Variants in ALPL observed in about 807,000 individuals in gnomAD.
ALPL encodes the protein alkaline phosphatase, biomineralization associated.
ALPL carries 42 observed loss-of-function variants against 51.3 expected under a neutral mutation model. The ratio of observed to expected loss-of-function variants is 0.82; its 90% CI spans 0.64 to 1.06. The LOEUF is 1.06. Ranked by LOEUF, ALPL falls within the 50% of genes least tolerant of loss-of-function variation. The pLI is 0.00. For synonymous variants in ALPL, 279 were observed against 296.4 expected (o/e 0.94, Z 0.60); for missense variants, 589 against 709.4 (o/e 0.83, Z 1.93).
intron 3 of ALPL, 98 bp from the exon 4 acceptor site, chr1:21,560,999 C>A (rs1644476656): frequency 1.7e-6 from 2 of 1,198,788 alleles, no homozygotes; most frequent in South Asian, 1.3e-5. Flanking sequence ...ACTGCCCGAG[C>A]CTGCCTTGGT....
chr1:21,560,890 A>G, intron 3 of ALPL, 145 bp downstream of exon 3: 2 of 1,193,160 alleles, frequency 1.7e-6, no homozygotes, highest in Non-Finnish European at 2.4e-6. Flanking sequence ...CAGGCTGTGG[A>G]TTCAAGAGGC....
chr1:21,539,802 C>T (rs1443225210), intron 1 of ALPL, among the ~76,000 whole-genome samples: 3 of 151,962 alleles, frequency 2.0e-5, no homozygotes, highest in African/African-American at 4.8e-5. Flanking sequence ...CTACAGGTGC[C>T]CGCCACCCAG....
At chr1:21,547,551 C>A (rs1644268926) in intron 1 of ALPL, among the ~76,000 whole-genome samples, 1 of 152,218 alleles carries the variant, frequency 6.6e-6, no homozygotes, top group African/African-American at 2.4e-5. Context: ...CCTGACTCCC[C>A]CTGCATCCCG....
chr1:21,568,276 A>G, intron 7 of ALPL, 29 bp downstream of exon 7: 1 of 1,613,778 alleles, frequency 6.2e-7, no homozygotes, highest in African/African-American at 1.3e-5. Flanking sequence ...ATGTGGCTGC[A>G]GAGGTGGCCT....
Position 21,561,062 on chromosome 1 carries a change from G to A in ALPL, c.182-35G>A, listed in dbSNP as rs771682053. 3.2e-6 allele frequency: 5 copies of A among 1,556,126 alleles called. No homozygotes were observed. The South Asian group carries it at 4.6e-5, about 14-fold the overall frequency. On this transcript the variant is annotated intron_variant, in intron 3 of 11. Coordinates refer to ENST00000374840, the MANE Select transcript of ALPL (RefSeq NM_000478.6). ...AAGCAGGCTGATTGGAGAGGCAGGAGCACGAGAGACTGAGGCCCCCACTCC... is the reference window on the plus strand; with the variant it reads ...AAGCAGGCTGATTGGAGAGGCAGGAACACGAGAGACTGAGGCCCCCACTCC...
chr1:21,571,826 C>CA (rs916098786), intron 8 of ALPL, among the ~76,000 whole-genome samples: 1 of 151,592 alleles, frequency 6.6e-6, no homozygotes, highest in Non-Finnish European at 1.5e-5. Flanking sequence ...CTCAATTCTA[C>CA]AAAAATTTTT....
At position 21,531,063 on chromosome 1, in the gene ALPL, C is replaced by T. The variant is rs541080642; in HGVS notation, c.-105+21546C>T. 4.0e-5 allele frequency among the ~76,000 whole-genome samples: 6 copies of T among 150,042 alleles called. No individual in the cohort carries two copies. The East Asian group carries it at 5.9e-4, about 15-fold the overall frequency. Reference sequence around the variant, plus strand: ...CTGTCTCTCAGGTTCAAGCAATTCTCGTGCCTCAGCCTCCCGAGTAGCTGG... The same window carrying T: ...CTGTCTCTCAGGTTCAAGCAATTCTTGTGCCTCAGCCTCCCGAGTAGCTGG... On this transcript the variant is annotated intron_variant, in intron 1 of 11. Coordinates refer to ENST00000374840, the MANE Select transcript of ALPL (RefSeq NM_000478.6).
At chr1:21,530,935 C>T (rs957722485) in intron 1 of ALPL, among the ~76,000 whole-genome samples, 3 of 149,900 alleles carry the variant, frequency 2.0e-5, no homozygotes, top group Non-Finnish European at 4.4e-5. Context: ...CGTGCACCAC[C>T]ACATCCAGAT....
At chr1:21,572,859 G>GT (rs1182356017) in intron 8 of ALPL, among the ~76,000 whole-genome samples, 1 of 152,196 alleles carries the variant, frequency 6.6e-6, no homozygotes, top group African/African-American at 2.4e-5. Flanking sequence ...ACCTTCTGCT[G>GT]TTTCGCTGCA....
At chr1:21,566,676 G>T (rs1046195714) in intron 6 of ALPL, among the ~76,000 whole-genome samples, 1 of 152,020 alleles carries the variant, frequency 6.6e-6, no homozygotes, top group African/African-American at 2.4e-5. Flanking sequence ...TTCAGTCTCA[G>T]CCTCCTGGGC....
intron 11 of ALPL, among the ~76,000 whole-genome samples, chr1:21,577,181 T>C (rs1475873704): frequency 6.6e-6 from 1 of 152,212 alleles, no homozygotes; most frequent in African/African-American, 2.4e-5. Flanking sequence ...TGTTGGGGGT[T>C]GAGAATGCAG....
intron 8 of ALPL, among the ~76,000 whole-genome samples, chr1:21,571,305 G>C (rs927213435): frequency 6.6e-6 from 1 of 152,164 alleles, no homozygotes; most frequent in Non-Finnish European, 1.5e-5. Context: ...ACAACCCCTG[G>C]GTTGTCATGA....
intron 9 of ALPL, among the ~76,000 whole-genome samples, chr1:21,575,269 G>A (rs1473170219): frequency 6.7e-6 from 1 of 150,044 alleles, no homozygotes; most frequent in Admixed American, 6.7e-5. Context: ...GGCCTCAGTT[G>A]CTCCATCTGT....
chr1:21,570,637 G>A (rs1479823013), intron 8 of ALPL, among the ~76,000 whole-genome samples: 1 of 152,202 alleles, frequency 6.6e-6, no homozygotes, highest in African/African-American at 2.4e-5. Flanking sequence ...CGCGGCATGT[G>A]GCACAAGTGA....
intron 1 of ALPL, among the ~76,000 whole-genome samples, chr1:21,523,072 G>A (rs1044227315): frequency 2.2e-4 from 33 of 152,092 alleles, no homozygotes; most frequent in African/African-American, 8.0e-4. Flanking sequence ...GATCACCTGA[G>A]GTCAGGAGTT....
Position 21,561,499 on chromosome 1 carries a change from C to T in ALPL, c.297+287C>T, listed in dbSNP as rs564845481. ...CCAACTCCTGGGCTCAAGCCATCCTCCCACGTTAGCCTCCCGAGTAGCTGG... is the reference window on the plus strand; with the variant it reads ...CCAACTCCTGGGCTCAAGCCATCCTTCCACGTTAGCCTCCCGAGTAGCTGG... On this transcript the variant is annotated intron_variant, in intron 4 of 11. Coordinates refer to ENST00000374840, the MANE Select transcript of ALPL (RefSeq NM_000478.6). Among the ~76,000 whole-genome samples, 55 of 152,250 alleles carry T rather than the reference C, an allele frequency of 3.6e-4. No homozygotes were observed. The South Asian group carries it at 0.011, about 30-fold the overall frequency.
chr1:21,554,833 C>CTTTCTTTCTCTCTTTCTTTCTT (rs1558543987), intron 2 of ALPL, among the ~76,000 whole-genome samples: 17 of 132,448 alleles, frequency 1.3e-4, no homozygotes, highest in African/African-American at 4.7e-4. Context: ...TTCTTTCTTT[C>CTTTCTTTCTCTCTTTCTTTCTT]TTTCTTTCTT....
At position 21,561,372 on chromosome 1, in the gene ALPL, A is replaced by G. The variant is rs576451449; in HGVS notation, c.297+160A>G. 3.3e-5 allele frequency among the ~76,000 whole-genome samples: 5 copies of G among 152,066 alleles called. No homozygotes were observed. The East Asian group carries it at 9.7e-4, about 30-fold the overall frequency. On this transcript the variant is annotated intron_variant, in intron 4 of 11. Transcript: ENST00000374840. Reference sequence around the variant, plus strand: ...AGCCACTGCCCTGACTTCTGACACCATAGCATCACTGTACCTGCTTGCGGG... The same window carrying G: ...AGCCACTGCCCTGACTTCTGACACCGTAGCATCACTGTACCTGCTTGCGGG...
At chr1:21,533,893 G>A (rs1244119198) in intron 1 of ALPL, among the ~76,000 whole-genome samples, 2 of 145,374 alleles carry the variant, frequency 1.4e-5, no homozygotes, top group African/African-American at 5.3e-5. Flanking sequence ...ATTTCACTCT[G>A]GCCTGGGTGA....
Sources: gnomAD v4.1 joint callset for allele counts (sites outside exome capture counted in the v4.1 genomes callset) on GRCh38, gnomAD v4.1.1 for gene constraint, MANE v1.5 for transcripts, NCBI Gene and HGNC (gene_info 2026-07-23, HGNC 2026-07-21) for gene names.